The following MLLT3 variants were observed in gnomAD, a reference collection of about 807,000 sequenced individuals.
The protein encoded by MLLT3 is protein AF-9.
A neutral mutation model predicts 53.2 loss-of-function variants in MLLT3; 4 were observed. The observed-to-expected ratio is 0.08, with a 90% CI of 0.04 to 0.17. The LOEUF (loss-of-function observed/expected upper bound fraction) is 0.17, where lower values mean the gene tolerates loss of function less well. MLLT3 is among the 10% of genes least tolerant of loss of function. The pLI, the probability that MLLT3 is intolerant of heterozygous loss-of-function variation, is 1.00. For synonymous variants in MLLT3, 283 were observed against 230.6 expected, an observed-to-expected ratio of 1.23 and a Z score of -2.06; for missense variants, 569 against 684.0, an observed-to-expected ratio of 0.83 and a Z score of 1.87.
At chr9:20,360,689 A>G (rs1264614955) in intron 8 of MLLT3, 53 bp downstream of exon 8, 1 of 1,426,166 alleles carries the variant, frequency 7.0e-7, no homozygotes, top group East Asian at 2.3e-5. Context: ...CTTTGTAAAA[A>G]TGATTACACC....
At chr9:20,497,379 C>G (rs75489322) in intron 2 of MLLT3, among the ~76,000 whole-genome samples, 3,219 of 152,248 alleles carry the variant, frequency 0.021, 116 homozygotes, top group African/African-American at 0.072. Context: ...TCACCATAGT[C>G]AAGATAAGGA....
rs150359428 is a variant in MLLT3, at chr9:20,579,345, C to A, written c.193+41309G>T. On this transcript the variant is annotated intron_variant, in intron 2 of 10. Transcript: ENST00000380338. ...TGAGTAGTACGCCACTACATTCCAG[C>A]CTGGGCAACAGAGTAAGATTCCATC... Among the ~76,000 whole-genome samples the A allele has an allele frequency of 6.2e-3, 934 of 151,746 alleles. 15 individuals are homozygous for A. The highest frequency in any genetic ancestry group is 0.022 in the African/African-American group (905 of 41,342).
At chr9:20,590,189 T>A (rs1205106184) in intron 2 of MLLT3, among the ~76,000 whole-genome samples, 1 of 152,172 alleles carries the variant, frequency 6.6e-6, no homozygotes, top group African/African-American at 2.4e-5. Context: ...CACATTTCAA[T>A]GGGCGTCAAC....
intron 2 of MLLT3, among the ~76,000 whole-genome samples, chr9:20,541,982 A>G (rs1818645564): frequency 6.6e-6 from 1 of 152,174 alleles, no homozygotes; most frequent in Non-Finnish European, 1.5e-5. Context: ...TCATAATGGC[A>G]TCTAGAATAG....
chr9:20,595,678 A>G (rs1427239656), intron 2 of MLLT3, among the ~76,000 whole-genome samples: 2 of 152,232 alleles, frequency 1.3e-5, no homozygotes, highest in African/African-American at 4.8e-5. Flanking sequence ...CATTAGAGAA[A>G]AGATTATTGT....
chr9:20,371,832 C>T (rs1245937353), intron 5 of MLLT3, among the ~76,000 whole-genome samples: 1 of 152,066 alleles, frequency 6.6e-6, no homozygotes, highest in Admixed American at 6.6e-5. Context: ...GCTATAGGTG[C>T]CATAGATAGT....
chr9:20,421,523 A>T (rs1461817186), intron 4 of MLLT3, among the ~76,000 whole-genome samples: 1 of 152,160 alleles, frequency 6.6e-6, no homozygotes, highest in African/African-American at 2.4e-5. Context: ...ATAATACCCA[A>T]CATAATGAAG....
chr9:20,434,603 C>T (rs532751756), intron 4 of MLLT3, among the ~76,000 whole-genome samples: 1 of 152,226 alleles, frequency 6.6e-6, no homozygotes, highest in South Asian at 2.1e-4. Flanking sequence ...ACCATATTAT[C>T]CTAAGAGGAA....
intron 2 of MLLT3, among the ~76,000 whole-genome samples, chr9:20,556,933 G>A (rs1819074132): frequency 6.6e-6 from 1 of 152,026 alleles, no homozygotes; most frequent in Non-Finnish European, 1.5e-5. Context: ...AAGTTATAAT[G>A]ACAACGTATG....
At chr9:20,618,346 A>T (rs1028508395) in intron 2 of MLLT3, among the ~76,000 whole-genome samples, 2 of 152,192 alleles carry the variant, frequency 1.3e-5, no homozygotes. Context: ...TATAAGCCAA[A>T]AAATAAGTCC....
intron 2 of MLLT3, among the ~76,000 whole-genome samples, chr9:20,539,211 T>C (rs1205407260): frequency 1.3e-5 from 2 of 152,252 alleles, no homozygotes; most frequent in Non-Finnish European, 2.9e-5. Flanking sequence ...GATAGCATTT[T>C]ACCCACAGTT....
At chr9:20,580,700 C>T (rs1819769091) in intron 2 of MLLT3, among the ~76,000 whole-genome samples, 1 of 152,194 alleles carries the variant, frequency 6.6e-6, no homozygotes, top group African/African-American at 2.4e-5. Context: ...GTTTTCTTCA[C>T]ACACTCCTTC....
rs1820783931 is a variant in MLLT3, at chr9:20,343,214, ATTTTG to A, written c.*3224_*3228del. ...AAAAAAAAAAAAAAAAAAAAAAAAA[ATTTTG>A]AAGAAACTTTTTAGTGGAAGAAAAC... is the stretch of plus-strand genomic sequence containing the variant. On this transcript the variant is annotated 3_prime_UTR_variant, in exon 11 of 11. Transcript: ENST00000380338. 1.5e-3 allele frequency: 179 copies of A among 115,678 alleles called. No individual in the cohort carries two copies. Among genetic ancestry groups the A allele is most frequent in the East Asian group, 0.012 (35 of 2,954 alleles). The allele number at this position is 115,678 out of a possible 1,614,324, so 7.2% of individuals were successfully genotyped here.
intron 3 of MLLT3, among the ~76,000 whole-genome samples, chr9:20,454,573 A>T (rs186533388): frequency 6.6e-6 from 1 of 152,358 alleles, no homozygotes; most frequent in Non-Finnish European, 1.5e-5. Context: ...TGGTCTTCTC[A>T]TAAGAGATCA....
chr9:20,424,836 T>C (rs1823102864), intron 4 of MLLT3, among the ~76,000 whole-genome samples: 7 of 152,204 alleles, frequency 4.6e-5, no homozygotes, highest in South Asian at 2.1e-4. Flanking sequence ...ATATTACCTA[T>C]ACCACAAAGT....
intron 5 of MLLT3, among the ~76,000 whole-genome samples, chr9:20,378,359 A>G (rs1208042956): frequency 2.0e-5 from 3 of 152,070 alleles, no homozygotes; most frequent in Non-Finnish European, 4.4e-5. Flanking sequence ...GATACATGCT[A>G]AATAAACAGG....
intron 4 of MLLT3, among the ~76,000 whole-genome samples, chr9:20,439,825 A>T (rs1823500895): frequency 6.6e-6 from 1 of 152,216 alleles, no homozygotes; most frequent in Non-Finnish European, 1.5e-5. Flanking sequence ...TAGTCACCAG[A>T]AAGATTACAA....
At chr9:20,396,049 C>G (rs140595372) in intron 5 of MLLT3, among the ~76,000 whole-genome samples, 3 of 152,090 alleles carry the variant, frequency 2.0e-5, no homozygotes, top group South Asian at 2.1e-4. Context: ...AGCATAAAGG[C>G]AAAAGTTAAC....
At chr9:20,599,494 T>C (rs1055423761) in intron 2 of MLLT3, among the ~76,000 whole-genome samples, 2 of 149,598 alleles carry the variant, frequency 1.3e-5, no homozygotes, top group East Asian at 1.9e-4. Context: ...AAACCTCTCA[T>C]GTTTCTCCCC....
Sources: gnomAD v4.1 joint callset for allele counts (sites outside exome capture counted in the v4.1 genomes callset) on GRCh38, gnomAD v4.1.1 for gene constraint, MANE v1.5 for transcripts, NCBI Gene and HGNC (gene_info 2026-07-23, HGNC 2026-07-21) for gene names.